RPP30: variants seen among roughly 807,000 people sequenced by gnomAD.
RPP30 encodes ribonuclease P protein subunit p30.
In RPP30, 36 loss-of-function variants were observed where a neutral mutation model predicts 38.6. That is an observed-to-expected ratio of 0.93 (90% CI 0.71 to 1.23). The LOEUF is 1.23. RPP30 is among the 50% of genes most tolerant of loss of function. The probability of loss-of-function intolerance (pLI) is 0.00; values close to 1 mark genes in which losing one functional copy is unlikely to be tolerated. For missense variants in RPP30, 321 were observed against 321.7 expected, an observed-to-expected ratio of 1.00 and a Z score of 0.02; for synonymous variants, 126 against 112.7, an observed-to-expected ratio of 1.12 and a Z score of -0.75.
At chr10:90,882,258 A>T (rs992693169) in intron 5 of RPP30, among the ~76,000 whole-genome samples, 13 of 152,222 alleles carry the variant, frequency 8.5e-5, no homozygotes, top group Admixed American at 5.9e-4. Context: ...CTATCAGTTT[A>T]AAAAATTTTT....
chr10:90,872,323 A>C (rs943168108), intron 1 of RPP30, among the ~76,000 whole-genome samples: 16 of 152,322 alleles, frequency 1.1e-4, no homozygotes, highest in African/African-American at 3.6e-4. Context: ...AGGGATTTGC[A>C]TAGGGGCCTA....
intron 5 of RPP30, among the ~76,000 whole-genome samples, chr10:90,883,284 C>T: frequency 8.6e-6 from 1 of 116,148 alleles, no homozygotes; most frequent in South Asian, 2.9e-4. Flanking sequence ...ATAGGAGTCT[C>T]TGGCCAAAAA....
intron 10 of RPP30, 66 bp downstream of exon 10, chr10:90,896,458 C>A: frequency 1.5e-6 from 2 of 1,317,624 alleles, no homozygotes; most frequent in Non-Finnish European, 2.2e-6. Flanking sequence ...TACAGCCATA[C>A]CTATTTTTAT....
At chr10:90,882,609 G>A (rs1846944802) in intron 5 of RPP30, among the ~76,000 whole-genome samples, 2 of 152,150 alleles carry the variant, frequency 1.3e-5, no homozygotes. Flanking sequence ...CTTGCAGTGA[G>A]CCAAGATTGC....
At chr10:90,906,550 G>A (rs1488602637), downstream of RPP30, among the ~76,000 whole-genome samples, 1 of 152,214 alleles carries the variant, frequency 6.6e-6, no homozygotes, top group Non-Finnish European at 1.5e-5. Flanking sequence ...AAAGAGGAGA[G>A]TGAGTTGATC....
chr10:90,895,318 A>C (rs1847127595), intron 7 of RPP30, 136 bp from the exon 8 acceptor site: 1 of 559,704 alleles, frequency 1.8e-6, no homozygotes, highest in Non-Finnish European at 3.1e-6. Context: ...TTTTCACCTT[A>C]ATTATTTACC....
Position 90,889,163 on chromosome 10 carries a change from G to T in RPP30, c.432+3262G>T, listed in dbSNP as rs74729339. Among the ~76,000 whole-genome samples, 49 of 152,246 alleles carry T rather than the reference G, an allele frequency of 3.2e-4. No homozygotes were observed. The East Asian group carries it at 6.6e-3, about 20-fold the overall frequency. On this transcript the variant is annotated intron_variant, in intron 6 of 10. Coordinates refer to ENST00000371703, the MANE Select transcript of RPP30 (RefSeq NM_006413.5). ...ATCCAGTCTGGCTGTGGAGCTGTTTGTCTACATAAAGTATGGAAATGTATA... is the reference window on the plus strand; with the variant it reads ...ATCCAGTCTGGCTGTGGAGCTGTTTTTCTACATAAAGTATGGAAATGTATA...
Position 90,896,056 on chromosome 10 carries a change from A to G in RPP30, c.617+139A>G, listed in dbSNP as rs565598458. ...ATTAATAACTTCAAAAATAAATTAT[A>G]TAACATTATAGAGAGCTTTATGCTT... On this transcript the variant is annotated intron_variant, in intron 9 of 10. Transcript: ENST00000371703. 3.2e-5 allele frequency: 22 copies of G among 695,408 alleles called. 1 individual carries two copies. Among genetic ancestry groups the G allele is most frequent in the Middle Eastern group, 3.4e-4 (1 of 2,962 alleles). 43.1% of individuals were successfully genotyped at this position (695,408 alleles called of 1,614,324 possible).
intron 2 of RPP30, 40 bp downstream of exon 2, chr10:90,874,964 G>A (rs533274641): frequency 5.5e-6 from 7 of 1,267,800 alleles, no homozygotes; most frequent in East Asian, 2.4e-5. Flanking sequence ...TCATAAATAA[G>A]TATTTGTAAT....
chr10:90,893,093 G>A (rs11186353), intron 6 of RPP30, among the ~76,000 whole-genome samples: 9,589 of 152,206 alleles, frequency 0.063, 391 homozygotes, highest in African/African-American at 0.11. Context: ...GAGAGGGAAA[G>A]GTTGCAGTGT....
At position 90,901,662 on chromosome 10, in the gene RPP30, A is replaced by T; in HGVS notation, c.*983A>T. ...GGAAATAATTTATTTTTATAATGGGATCATGTTAAGTAGAAGTAGCTTTTT... is the reference window on the plus strand; with the variant it reads ...GGAAATAATTTATTTTTATAATGGGTTCATGTTAAGTAGAAGTAGCTTTTT... On this transcript the variant is annotated 3_prime_UTR_variant, in exon 11 of 11. Coordinates refer to ENST00000371703, the MANE Select transcript of RPP30 (RefSeq NM_006413.5). The T allele has an allele frequency of 1.0e-6, 1 of 985,038 alleles. No homozygotes were observed. Among genetic ancestry groups the T allele is most frequent in the South Asian group, 4.7e-5 (1 of 21,282 alleles). The allele number at this position is 985,038 out of a possible 1,614,324, so 61.0% of individuals were successfully genotyped here.
intron 1 of RPP30, 142 bp downstream of exon 1, chr10:90,872,210 G>C: frequency 1.4e-6 from 1 of 710,382 alleles, no homozygotes; most frequent in Non-Finnish European, 2.5e-6. Flanking sequence ...TGCCCGCCGA[G>C]GTGTTGGTCT....
chr10:90,903,375 G>A (rs550505293), downstream of RPP30: 6 of 685,216 alleles, frequency 8.8e-6, no homozygotes, highest in East Asian at 2.7e-5. Context: ...TTATGAATTA[G>A]TGATGTACCA....
intron 6 of RPP30, among the ~76,000 whole-genome samples, chr10:90,893,811 C>T (rs897280664): frequency 1.3e-5 from 2 of 152,230 alleles, no homozygotes; most frequent in African/African-American, 4.8e-5. Flanking sequence ...TCATCTCCCC[C>T]ACTAAAATGT....
chr10:90,892,853 C>T (rs901231677), intron 6 of RPP30, among the ~76,000 whole-genome samples: 4 of 152,162 alleles, frequency 2.6e-5, no homozygotes, highest in East Asian at 3.8e-4. Flanking sequence ...TAATGAACAA[C>T]GTTATCACAG....
At chr10:90,891,633 C>T (rs1847083313) in intron 6 of RPP30, among the ~76,000 whole-genome samples, 1 of 152,158 alleles carries the variant, frequency 6.6e-6, no homozygotes, top group Non-Finnish European at 1.5e-5. Flanking sequence ...CAATATGATA[C>T]TCTACAACTG....
At chr10:90,878,437 CTT>C (rs1468451994) in intron 4 of RPP30, among the ~76,000 whole-genome samples, 1 of 151,756 alleles carries the variant, frequency 6.6e-6, no homozygotes, top group Non-Finnish European at 1.5e-5. Flanking sequence ...TTTTTCTAGT[CTT>C]TTCATATACA....
intron 5 of RPP30, among the ~76,000 whole-genome samples, chr10:90,884,862 T>G (rs1035463139): frequency 1.3e-5 from 2 of 152,244 alleles, no homozygotes. Context: ...TCCTGGAAGT[T>G]TGAATTTGTC....
chr10:90,895,624 A>C, intron 8 of RPP30, 141 bp downstream of exon 8: 1 of 553,476 alleles, frequency 1.8e-6, no homozygotes, highest in Non-Finnish European at 3.0e-6. Context: ...TAATTGCTAA[A>C]TAGTAAAATT....
Sources: allele counts gnomAD v4.1 joint callset (sites outside exome capture counted in the v4.1 genomes callset), GRCh38; gene constraint gnomAD v4.1.1; transcripts MANE v1.5; gene names NCBI Gene and HGNC (gene_info 2026-07-23, HGNC 2026-07-21).